Variants in PDE7A observed in about 807,000 individuals in gnomAD.
The protein encoded by PDE7A is phosphodiesterase 7A.
In PDE7A, 39 loss-of-function variants were observed where a neutral mutation model predicts 64.3. The observed-to-expected ratio is 0.61, with a 90% confidence interval of 0.47 to 0.79. The LOEUF (loss-of-function observed/expected upper bound fraction) is 0.79. PDE7A is among the 30% of genes least tolerant of loss of function. The pLI is 0.00. For missense variants in PDE7A, 470 were observed against 582.8 expected (o/e 0.81, Z 1.99); for synonymous variants, 203 against 206.8 (o/e 0.98, Z 0.16).
At chr8:65,726,694 T>C (rs1054357014) in intron 9 of PDE7A, among the ~76,000 whole-genome samples, 181 bp downstream of exon 9, 1 of 152,214 alleles carries the variant, frequency 6.6e-6, no homozygotes, top group African/African-American at 2.4e-5. Flanking sequence ...CATTAAAATG[T>C]TACCGACTAT....
chr8:65,716,486 G>T lies in PDE7A; in HGVS notation c.*2804C>A, dbSNP rs1176653525. ...GAATCTCTAGCACCTTCCAGGGGAA[G>T]AGGGTACCCTGGTCCACAAACATGA... On this transcript the variant is annotated 3_prime_UTR_variant, in exon 13 of 13. Transcript: ENST00000401827. Among the ~76,000 whole-genome samples the T allele has an allele frequency of 6.6e-6, 1 of 152,114 alleles. No homozygotes were observed. The highest frequency in any genetic ancestry group is 1.5e-5 in the Non-Finnish European group (1 of 68,018).
At chr8:65,758,455 G>A (rs1321857224) in intron 3 of PDE7A, among the ~76,000 whole-genome samples, 2 of 152,118 alleles carry the variant, frequency 1.3e-5, no homozygotes, top group Admixed American at 1.3e-4. Flanking sequence ...CCCTTGGCAA[G>A]AATTTATAGT....
Position 65,782,791 on chromosome 8 carries a change from C to A in PDE7A, c.191G>T (p.Arg64Leu). 1 of 1,567,964 alleles carries A rather than the reference C, an allele frequency of 6.4e-7. No homozygotes were observed. The highest frequency in any genetic ancestry group is 8.7e-7 in the Non-Finnish European group (1 of 1,142,924). Residue 64 changes from arginine (R) to leucine (L), a missense_variant, in exon 2 of 13, where the codon CGT becomes CTT. By Grantham distance (102) the Arg-to-Leu change is moderately radical (BLOSUM62 -2). Transcript: ENST00000401827. ...AAATAAATAATGCTTACCTAGCATACGAATGTATAATGCAGTCTGATCAGA... is the reference window on the plus strand; with the variant it reads ...AAATAAATAATGCTTACCTAGCATAAGAATGTATAATGCAGTCTGATCAGA... ...DSSDQTALYI[R>L]MLGDVRVRSR...
chr8:65,789,036 CAA>C, intron 1 of PDE7A: 1 of 1,534,220 alleles, frequency 6.5e-7, no homozygotes, highest in African/African-American at 1.4e-5. Context: ...TGTCCCGAGG[CAA>C]AAGAGAGGGG....
intron 1 of PDE7A, among the ~76,000 whole-genome samples, chr8:65,818,965 G>T (rs1810477040): frequency 6.6e-6 from 1 of 152,164 alleles, no homozygotes; most frequent in Non-Finnish European, 1.5e-5. Context: ...CAGAATTGGG[G>T]GAATGTGAGT....
At chr8:65,790,991 C>T (rs1809686580) in intron 1 of PDE7A, among the ~76,000 whole-genome samples, 1 of 152,208 alleles carries the variant, frequency 6.6e-6, no homozygotes, top group Non-Finnish European at 1.5e-5. Flanking sequence ...GGGCTATACA[C>T]TCCAAACCAG....
At chr8:65,754,920 G>A (rs1411776627) in intron 3 of PDE7A, among the ~76,000 whole-genome samples, 2 of 150,410 alleles carry the variant, frequency 1.3e-5, no homozygotes, top group South Asian at 2.1e-4. Context: ...AGCCGAGATC[G>A]CGCCACTGCA....
chr8:65,750,231 A>G (rs1373446316), intron 3 of PDE7A, among the ~76,000 whole-genome samples: 4 of 152,234 alleles, frequency 2.6e-5, no homozygotes, highest in Non-Finnish European at 5.9e-5. Context: ...ATGCAATACA[A>G]TGAATGCATT....
At chr8:65,739,059 G>A (rs904489056) in intron 6 of PDE7A, among the ~76,000 whole-genome samples, 6 of 152,200 alleles carry the variant, frequency 3.9e-5, no homozygotes, top group Non-Finnish European at 5.9e-5. Flanking sequence ...GGGCTCCAGC[G>A]GCCTGGGGAT....
intron 5 of PDE7A, among the ~76,000 whole-genome samples, chr8:65,741,851 A>G (rs899376892): frequency 2.0e-5 from 3 of 152,262 alleles, no homozygotes; most frequent in African/African-American, 7.2e-5. Context: ...AGGATGTAGA[A>G]TAAGTTTTAA....
intron 1 of PDE7A, among the ~76,000 whole-genome samples, chr8:65,823,928 T>C (rs900305103): frequency 2.6e-5 from 4 of 151,984 alleles, no homozygotes; most frequent in Non-Finnish European, 5.9e-5. Context: ...CCCACAAATA[T>C]GACAAAATGT....
intron 1 of PDE7A, among the ~76,000 whole-genome samples, chr8:65,805,805 C>T (rs761643471): frequency 1.3e-5 from 2 of 152,164 alleles, no homozygotes; most frequent in Non-Finnish European, 2.9e-5. Context: ...ATATGTTAGC[C>T]GCCTTCTCAG....
intron 3 of PDE7A, among the ~76,000 whole-genome samples, chr8:65,771,827 A>G (rs1212609250): frequency 7.2e-6 from 1 of 139,480 alleles, no homozygotes; most frequent in Non-Finnish European, 1.5e-5. Flanking sequence ...GTGAGCCACG[A>G]TTGAGCCACT....
chr8:65,763,191 T>C (rs1404703575), intron 3 of PDE7A, among the ~76,000 whole-genome samples: 4 of 152,178 alleles, frequency 2.6e-5, no homozygotes, highest in African/African-American at 9.7e-5. Context: ...ACATATAACA[T>C]TGATCTAAGT....
At chr8:65,806,561 G>A (rs968982840) in intron 1 of PDE7A, among the ~76,000 whole-genome samples, 2 of 152,004 alleles carry the variant, frequency 1.3e-5, no homozygotes, top group African/African-American at 4.8e-5. Flanking sequence ...ATTTTAACTT[G>A]GTGGGACTCC....
chr8:65,835,630 T>C (rs900662865), intron 1 of PDE7A, among the ~76,000 whole-genome samples: 1 of 152,010 alleles, frequency 6.6e-6, no homozygotes, highest in African/African-American at 2.4e-5. Flanking sequence ...AAGAGAAGAG[T>C]TGAAAATTGC....
At chr8:65,839,544 T>C (rs1811027223) in intron 1 of PDE7A, among the ~76,000 whole-genome samples, 1 of 152,026 alleles carries the variant, frequency 6.6e-6, no homozygotes, top group Non-Finnish European at 1.5e-5. Flanking sequence ...ACCACAATGT[T>C]AATAGAAAAA....
chr8:65,739,436 T>C, intron 6 of PDE7A, 66 bp downstream of exon 6: 1 of 1,468,260 alleles, frequency 6.8e-7, no homozygotes, highest in Non-Finnish European at 9.0e-7. Context: ...ATAACTGAGA[T>C]AAAACTTAAA....
intron 3 of PDE7A, among the ~76,000 whole-genome samples, chr8:65,756,482 T>C (rs913737962): frequency 6.6e-6 from 1 of 152,150 alleles, no homozygotes; most frequent in Middle Eastern, 3.2e-3. Flanking sequence ...TGAATTATCT[T>C]GCCTTCAAGT....
Sources: gnomAD v4.1 joint callset for allele counts (sites outside exome capture counted in the v4.1 genomes callset) on GRCh38, gnomAD v4.1.1 for gene constraint, MANE v1.5 for transcripts, NCBI Gene and HGNC (gene_info 2026-07-23, HGNC 2026-07-21) for gene names.